PCDH20: variants seen among roughly 807,000 people sequenced by gnomAD.
The protein encoded by PCDH20 is protocadherin-20.
In PCDH20, 18 loss-of-function variants were observed where a neutral mutation model predicts 39.7. The ratio of observed to expected loss-of-function variants is 0.45; its 90% confidence interval spans 0.31 to 0.67. The LOEUF (loss-of-function observed/expected upper bound fraction) is 0.67, where lower values mean the gene tolerates loss of function less well. Among genes scored for constraint, PCDH20 ranks in the 30% least tolerant of loss-of-function variants. The probability of loss-of-function intolerance (pLI) is 0.05; values close to 1 mark genes in which losing one functional copy is unlikely to be tolerated. For synonymous variants in PCDH20, 495 were observed against 455.4 expected (o/e 1.09, Z -1.11); for missense variants, 1,161 against 1,167.4 (o/e 0.99, Z 0.08).
exon 2 of PCDH20, chr13:61,413,054 A>T (rs755966566): frequency 6.2e-7 from 1 of 1,614,190 alleles, no homozygotes. Flanking sequence ...TTGGTCCCCA[A>T]GTCTTTATCC....
exon 2 of PCDH20, chr13:61,411,399 G>A: frequency 6.2e-7 from 1 of 1,614,026 alleles, no homozygotes. Context: ...CCAGTGTGAT[G>A]GAACCCAAGC....
At chr13:61,412,375 C>T (rs1365085308) in exon 2 of PCDH20, 3 of 1,614,110 alleles carry the variant, frequency 1.9e-6, no homozygotes, top group East Asian at 2.2e-5. Context: ...AGCATCAGGT[C>T]CCAGAAAATA....
chr13:61,411,604 G>A, exon 2 of PCDH20: 1 of 1,614,174 alleles, frequency 6.2e-7, no homozygotes. Flanking sequence ...GGAGTGGAGA[G>A]GCTCGGGATA....
At chr13:61,414,256 TA>T (rs1457603674) in intron 1 of PCDH20, among the ~76,000 whole-genome samples, 1 of 151,644 alleles carries the variant, frequency 6.6e-6, no homozygotes, top group Non-Finnish European at 1.5e-5. Flanking sequence ...TCCCAAACCG[TA>T]AAACATCCCT....
At chr13:61,412,403 C>T (rs1230008998) in exon 2 of PCDH20, 4 of 1,614,176 alleles carry the variant, frequency 2.5e-6, no homozygotes, top group Non-Finnish European at 3.4e-6. Context: ...TGGCCTCTCT[C>T]CTCGCTGTCG....
exon 2 of PCDH20, chr13:61,413,260 C>T (rs1490093990): frequency 6.2e-7 from 1 of 1,614,168 alleles, no homozygotes; most frequent in South Asian, 1.1e-5. Flanking sequence ...CTGGGTTTCC[C>T]TGTCCAAAGC....
exon 2 of PCDH20, chr13:61,412,419 T>A (rs1348736685): frequency 6.2e-7 from 1 of 1,614,032 alleles, no homozygotes; most frequent in African/African-American, 1.3e-5. Context: ...TGTCGGCATC[T>A]GTAGCATACA....
At chr13:61,411,183 T>C in exon 2 of PCDH20, 1 of 1,411,598 alleles carries the variant, frequency 7.1e-7, no homozygotes, top group Non-Finnish European at 9.8e-7. Flanking sequence ...CACTCTTTTT[T>C]AGGTGATGAA....
chr13:61,414,484 C>T (rs1168674158), intron 1 of PCDH20, among the ~76,000 whole-genome samples: 1 of 151,934 alleles, frequency 6.6e-6, no homozygotes, highest in Non-Finnish European at 1.5e-5. Context: ...ACCACAATCG[C>T]AATAATAATA....
At chr13:61,414,095 CG>C in intron 1 of PCDH20, 129 bp from the exon 2 acceptor site, 1 of 821,800 alleles carries the variant, frequency 1.2e-6, no homozygotes, top group Non-Finnish European at 1.9e-6. Flanking sequence ...CTAATTAGAA[CG>C]GGGGCGGAGA....
exon 2 of PCDH20, chr13:61,411,163 G>A: frequency 2.5e-6 from 3 of 1,183,588 alleles, no homozygotes; most frequent in Non-Finnish European, 3.6e-6. Flanking sequence ...CATTGGAACT[G>A]CCATCAACAC....
exon 1 of PCDH20, chr13:61,415,331 G>A (rs1018660309): frequency 2.7e-6 from 2 of 742,562 alleles, no homozygotes; most frequent in Non-Finnish European, 3.8e-6. Flanking sequence ...CACATTCATG[G>A]TTTCCTGCCC....
exon 2 of PCDH20, chr13:61,411,730 G>C: frequency 6.2e-7 from 1 of 1,614,136 alleles, no homozygotes; most frequent in Non-Finnish European, 8.5e-7. Flanking sequence ...CTCAGGCCTA[G>C]GACCTCTTCT....
At chr13:61,414,144 T>C (rs1871484499) in intron 1 of PCDH20, among the ~76,000 whole-genome samples, 178 bp from the exon 2 acceptor site, 1 of 151,950 alleles carries the variant, frequency 6.6e-6, no homozygotes, top group South Asian at 2.1e-4. Flanking sequence ...TGGGGCAATA[T>C]CGTCTCCAAA....
exon 2 of PCDH20, chr13:61,412,529 G>T (rs1404356829): frequency 3.1e-6 from 5 of 1,613,900 alleles, no homozygotes; most frequent in Non-Finnish European, 4.2e-6. Context: ...TCTAAAAGTT[G>T]CACTTTAATG....
intron 1 of PCDH20, 32 bp downstream of exon 1, chr13:61,414,995 G>C: frequency 1.4e-6 from 2 of 1,388,304 alleles, no homozygotes; most frequent in South Asian, 3.4e-5. Context: ...CAACTTGTCG[G>C]GGTCGCGGGG....
intron 1 of PCDH20, 133 bp downstream of exon 1, chr13:61,414,894 C>T: frequency 1.8e-6 from 2 of 1,135,846 alleles, no homozygotes; most frequent in Non-Finnish European, 2.3e-6. Flanking sequence ...CCCAAACTCC[C>T]TTTCCCTCCC....
In PCDH20 at chr13:61,414,116, C is replaced by T. The variant is rs1871484009; in HGVS notation, c.133-150G>A. ...AGAACGGGGGCGGAGAAGAACCCTG[C>T]TGCGAAGGAGAGATCTGTGGGGCAA... is the stretch of plus-strand genomic sequence containing the variant. On this transcript the variant is annotated intron_variant, in intron 1 of 1. Coordinates refer to ENST00000409204, the Ensembl canonical transcript of PCDH20. 103 of 723,912 alleles carry T rather than the reference C, an allele frequency of 1.4e-4. 2 individuals are homozygous for T. The South Asian group carries it at 2.0e-3, about 14-fold the overall frequency. 44.8% of individuals were successfully genotyped at this position (723,912 alleles called of 1,614,324 possible).
At chr13:61,413,662 T>C in exon 2 of PCDH20, 1 of 1,614,128 alleles carries the variant, frequency 6.2e-7, no homozygotes, top group African/African-American at 1.3e-5. Flanking sequence ...CCTGTCGATC[T>C]CCTGAGCTGA....
Sources: allele counts gnomAD v4.1 joint callset (sites outside exome capture counted in the v4.1 genomes callset), GRCh38; gene constraint gnomAD v4.1.1; transcripts MANE v1.5; gene names NCBI Gene and HGNC (gene_info 2026-07-23, HGNC 2026-07-21).